The following NDUFAF6 variants were observed in gnomAD, a reference collection of about 807,000 sequenced individuals.
The protein encoded by NDUFAF6 is NADH dehydrogenase (ubiquinone) complex I, assembly factor 6.
Under a neutral mutation model 40.8 loss-of-function variants are expected in NDUFAF6, and 45 were observed. The ratio of observed to expected loss-of-function variants is 1.10; its 90% CI spans 0.87 to 1.42. The LOEUF is 1.42. Ranked by LOEUF, NDUFAF6 falls within the 40% of genes most tolerant of loss-of-function variation. The probability of loss-of-function intolerance (pLI) is 0.00; values close to 1 mark genes in which losing one functional copy is unlikely to be tolerated. For missense variants in NDUFAF6, 435 were observed against 418.5 expected, an observed-to-expected ratio of 1.04 and a Z score of -0.34; for synonymous variants, 185 against 155.9, an observed-to-expected ratio of 1.19 and a Z score of -1.39.
intron 1 of NDUFAF6, among the ~76,000 whole-genome samples, chr8:94,903,266 G>T (rs1017897472): frequency 6.6e-6 from 1 of 152,112 alleles, no homozygotes; most frequent in African/African-American, 2.4e-5. Context: ...AGGCTCAGGT[G>T]GAGGATCACT....
intron 1 of NDUFAF6, among the ~76,000 whole-genome samples, chr8:95,027,026 A>G (rs973730851): frequency 3.3e-5 from 5 of 152,216 alleles, no homozygotes; most frequent in Non-Finnish European, 7.3e-5. Context: ...AGCTGGGGCA[A>G]CAGAGCAAGA....
At chr8:94,973,858 A>T (rs1586858516) in intron 1 of NDUFAF6, among the ~76,000 whole-genome samples, 1 of 111,662 alleles carries the variant, frequency 9.0e-6, no homozygotes, top group Admixed American at 8.7e-5. Context: ...CTGTCTCTAA[A>T]AAAAAAAAAA....
At chr8:94,931,301 T>C (rs1820367849) in intron 1 of NDUFAF6, among the ~76,000 whole-genome samples, 1 of 152,198 alleles carries the variant, frequency 6.6e-6, no homozygotes, top group African/African-American at 2.4e-5. Context: ...GATAAAAAGC[T>C]ATAGCTTAAT....
chr8:95,105,362 G>A (rs1194932335), downstream of NDUFAF6, among the ~76,000 whole-genome samples: 13 of 57,260 alleles, frequency 2.3e-4, no homozygotes, highest in South Asian at 1.5e-3. Flanking sequence ...GAATTTAGGC[G>A]CATTTTTTTT....
intron 9 of NDUFAF6, chr8:95,069,163 T>A (rs1288741839): frequency 6.6e-6 from 1 of 151,894 alleles, no homozygotes; most frequent in East Asian, 1.9e-4. Flanking sequence ...CACTGTTCAT[T>A]TATTGAGCAC....
chr8:95,014,970 T>C (rs1282621353), intron 2 of NDUFAF6, among the ~76,000 whole-genome samples: 1 of 152,250 alleles, frequency 6.6e-6, no homozygotes, highest in East Asian at 1.9e-4. Flanking sequence ...AAGTGCTGTT[T>C]GGCTTCCTCA....
chr8:95,096,289 C>T (rs1809462686), upstream of NDUFAF6, among the ~76,000 whole-genome samples: 1 of 152,120 alleles, frequency 6.6e-6, no homozygotes, highest in African/African-American at 2.4e-5. Context: ...ACACTGCAGA[C>T]AGGACTTCAA....
At chr8:94,982,771 C>A (rs1649441798) in intron 2 of NDUFAF6, among the ~76,000 whole-genome samples, 1 of 152,284 alleles carries the variant, frequency 6.6e-6, no homozygotes, top group Admixed American at 6.5e-5. Flanking sequence ...CCTTGAGATT[C>A]TGGCTTCAAA....
downstream of NDUFAF6, among the ~76,000 whole-genome samples, chr8:95,080,021 T>C (rs1399415931): frequency 1.1e-5 from 1 of 89,760 alleles, no homozygotes; most frequent in Non-Finnish European, 2.2e-5. Flanking sequence ...TTTTTTGTAG[T>C]GTATTTTTGT....
chr8:95,073,505 C>A (rs973694500), intron 9 of NDUFAF6, among the ~76,000 whole-genome samples: 1 of 152,070 alleles, frequency 6.6e-6, no homozygotes, highest in Admixed American at 6.5e-5. Flanking sequence ...GCGGCACCGC[C>A]CCCGCCTCGC....
intron 1 of NDUFAF6, among the ~76,000 whole-genome samples, chr8:94,918,333 A>G (rs1236469179): frequency 1.3e-5 from 2 of 152,152 alleles, no homozygotes; most frequent in African/African-American, 2.4e-5. Context: ...TCCAGAGGTG[A>G]TAGTGCAGAG....
At chr8:95,004,631 T>C (rs1826881204) in intron 2 of NDUFAF6, among the ~76,000 whole-genome samples, 6 of 152,214 alleles carry the variant, frequency 3.9e-5, no homozygotes, top group Admixed American at 3.9e-4. Flanking sequence ...ATTACAGGCG[T>C]GAGCCACCAC....
At chr8:94,985,185 C>T (rs577872593) in intron 2 of NDUFAF6, among the ~76,000 whole-genome samples, 3 of 151,962 alleles carry the variant, frequency 2.0e-5, no homozygotes, top group South Asian at 2.1e-4. Flanking sequence ...CTTTTTGCCT[C>T]TGAACATAGC....
intron 2 of NDUFAF6, among the ~76,000 whole-genome samples, chr8:94,995,535 G>T (rs1041572699): frequency 6.6e-6 from 1 of 151,934 alleles, no homozygotes; most frequent in African/African-American, 2.4e-5. Flanking sequence ...AGTCTGAGGC[G>T]GGAGGATTGC....
downstream of NDUFAF6, among the ~76,000 whole-genome samples, chr8:95,105,322 C>T (rs77760908): frequency 3.9e-4 from 59 of 151,864 alleles, no homozygotes; most frequent in African/African-American, 1.4e-3. Flanking sequence ...TGCTCTATCA[C>T]AAAATACTCC....
intron 3 of NDUFAF6, chr8:95,036,446 G>A (rs1453766535): frequency 3.9e-6 from 5 of 1,289,322 alleles, no homozygotes; most frequent in African/African-American, 1.5e-5. Flanking sequence ...AAGATGGAAA[G>A]CCAGAACCCC....
Position 95,025,004 on chromosome 8 carries a change from G to T in NDUFAF6, c.-5G>T, listed in dbSNP as rs532058076. On this transcript the variant is annotated 5_prime_UTR_variant, in exon 1 of 9. Transcript: ENST00000396124. ...GGGGGTCGAAGGGCACGCAGTGCCG[G>T]CGTCATGGCGGCCTCCGCGCACGGC... 125 of 1,341,990 alleles carry T rather than the reference G, an allele frequency of 9.3e-5. No individual in the cohort carries two copies. In the Middle Eastern group the frequency reaches 3.7e-3, roughly 40 times the overall value. The allele number at this position is 1,341,990 out of a possible 1,614,324, so 83.1% of individuals were successfully genotyped here. A position where few individuals can be genotyped will look rare whatever the true frequency, so the allele number is the denominator to read the frequency against.
At chr8:95,001,856 G>A (rs977083999) in intron 2 of NDUFAF6, among the ~76,000 whole-genome samples, 1 of 152,236 alleles carries the variant, frequency 6.6e-6, no homozygotes, top group African/African-American at 2.4e-5. Flanking sequence ...TGTGTGAGGA[G>A]CCTTGAGGGC....
intron 2 of NDUFAF6, among the ~76,000 whole-genome samples, chr8:95,087,274 C>T (rs2132059141): frequency 1.3e-5 from 2 of 152,274 alleles, no homozygotes; most frequent in Non-Finnish European, 2.9e-5. Context: ...TTTTCCCTCC[C>T]CACCCACTGA....
Sources: allele counts gnomAD v4.1 joint callset (sites outside exome capture counted in the v4.1 genomes callset), GRCh38; gene constraint gnomAD v4.1.1; transcripts MANE v1.5; gene names NCBI Gene and HGNC (gene_info 2026-07-23, HGNC 2026-07-21).